ADAMTS12: variants seen among roughly 807,000 people sequenced by gnomAD.
ADAMTS12 encodes the protein ADAM metallopeptidase with thrombospondin type 1 motif 12, also known as A disintegrin and metalloproteinase with thrombospondin motifs 12.
A neutral mutation model predicts 167.8 loss-of-function variants in ADAMTS12; 118 were observed. The observed-to-expected ratio is 0.70, with a 90% CI of 0.61 to 0.82. The LOEUF is 0.82. Among genes scored for constraint, ADAMTS12 ranks in the 40% least tolerant of loss-of-function variants. ADAMTS12 has a pLI of 0.00. For missense variants in ADAMTS12, 1,916 were observed against 1,998.8 expected, an observed-to-expected ratio of 0.96 and a Z score of 0.79; for synonymous variants, 704 against 716.9, an observed-to-expected ratio of 0.98 and a Z score of 0.29.
intron 15 of ADAMTS12, among the ~76,000 whole-genome samples, chr5:33,615,114 A>G (rs1421427867): frequency 6.6e-6 from 1 of 152,136 alleles, no homozygotes; most frequent in Non-Finnish European, 1.5e-5. Context: ...GAGGCATTGG[A>G]TTGGTTGCTC....
chr5:33,585,520 A>G (rs1747302183), intron 18 of ADAMTS12, among the ~76,000 whole-genome samples: 1 of 152,158 alleles, frequency 6.6e-6, no homozygotes, highest in Non-Finnish European at 1.5e-5. Flanking sequence ...TACACATTTG[A>G]ACCCAGGAAG....
intron 20 of ADAMTS12, 104 bp downstream of exon 20, chr5:33,560,923 G>GAAA: frequency 2.3e-5 from 27 of 1,195,514 alleles, no homozygotes; most frequent in South Asian, 4.8e-5. Context: ...TTAAGAAAAA[G>GAAA]AAAAAAAAAA....
chr5:33,607,754 C>G (rs1177048805), intron 16 of ADAMTS12, among the ~76,000 whole-genome samples: 1 of 151,998 alleles, frequency 6.6e-6, no homozygotes, highest in Non-Finnish European at 1.5e-5. Context: ...TGTATTCAGA[C>G]CCAGGAAAAC....
chr5:33,557,841 C>T (rs1745553098), intron 20 of ADAMTS12, among the ~76,000 whole-genome samples: 3 of 152,136 alleles, frequency 2.0e-5, no homozygotes, highest in Admixed American at 6.5e-5. Context: ...GCTCACATTA[C>T]TGCCTGAGCT....
intron 2 of ADAMTS12, among the ~76,000 whole-genome samples, chr5:33,783,853 T>C (rs1423763957): frequency 5.9e-5 from 9 of 151,914 alleles, no homozygotes; most frequent in Admixed American, 5.9e-4. Context: ...TTCCAACTTT[T>C]TCTGGAGGCA....
chr5:33,686,975 T>C (rs1458947644), intron 3 of ADAMTS12, among the ~76,000 whole-genome samples: 1 of 150,428 alleles, frequency 6.6e-6, no homozygotes, highest in African/African-American at 2.4e-5. Flanking sequence ...AGAGAGATCT[T>C]GGACTTGATC....
intron 19 of ADAMTS12, among the ~76,000 whole-genome samples, chr5:33,571,532 T>C (rs1248034391): frequency 6.6e-6 from 1 of 151,932 alleles, no homozygotes; most frequent in Non-Finnish European, 1.5e-5. Flanking sequence ...GAAATAAAGA[T>C]CTTCTTTGAA....
intron 2 of ADAMTS12, among the ~76,000 whole-genome samples, chr5:33,788,563 C>T (rs911358128): frequency 3.3e-5 from 5 of 152,004 alleles, no homozygotes; most frequent in African/African-American, 4.8e-5. Flanking sequence ...ATCTCATTTT[C>T]CCAGGAATTC....
At chr5:33,884,952 A>G (rs180764914) in intron 1 of ADAMTS12, among the ~76,000 whole-genome samples, 1 of 152,328 alleles carries the variant, frequency 6.6e-6, no homozygotes, top group East Asian at 1.9e-4. Flanking sequence ...AAGCAATCAC[A>G]TTTTAAAACA....
intron 23 of ADAMTS12, among the ~76,000 whole-genome samples, chr5:33,528,085 GAAAA>G (rs1174112774): frequency 1.4e-4 from 17 of 122,170 alleles, no homozygotes; most frequent in African/African-American, 5.0e-4. Context: ...TACTCAACCA[GAAAA>G]AAAAAAAAAA....
intron 5 of ADAMTS12, among the ~76,000 whole-genome samples, chr5:33,677,920 C>T (rs191898647): frequency 1.3e-5 from 2 of 152,200 alleles, no homozygotes; most frequent in South Asian, 2.1e-4. Flanking sequence ...GATGAAACCC[C>T]ATAGTGGTCT....
intron 2 of ADAMTS12, among the ~76,000 whole-genome samples, chr5:33,755,768 C>T (rs573570002): frequency 1.3e-5 from 2 of 152,274 alleles, no homozygotes; most frequent in East Asian, 1.9e-4. Flanking sequence ...GAAACCATCA[C>T]CCTGCCTTGA....
chr5:33,610,797 T>A (rs1449438265), intron 16 of ADAMTS12, among the ~76,000 whole-genome samples: 2 of 152,212 alleles, frequency 1.3e-5, no homozygotes, highest in East Asian at 3.8e-4. Flanking sequence ...CTGGGCACAG[T>A]GGCTCATGCC....
chr5:33,769,497 A>T (rs1745665938), intron 2 of ADAMTS12, among the ~76,000 whole-genome samples: 2 of 152,196 alleles, frequency 1.3e-5, no homozygotes, highest in Admixed American at 1.3e-4. Flanking sequence ...AATCTAGACT[A>T]AAGCCTCTGC....
At chr5:33,596,130 C>T (rs987893544) in intron 16 of ADAMTS12, 70 bp from the exon 17 acceptor site, 55 of 1,568,382 alleles carry the variant, frequency 3.5e-5, no homozygotes, top group Non-Finnish European at 4.5e-5. Flanking sequence ...AGGTGAGGTA[C>T]CTGACCACGT....
At chr5:33,566,146 C>T (rs777936246) in intron 19 of ADAMTS12, among the ~76,000 whole-genome samples, 1 of 152,084 alleles carries the variant, frequency 6.6e-6, no homozygotes, top group Non-Finnish European at 1.5e-5. Context: ...ATTGAATAGT[C>T]AATGACAGTC....
intron 22 of ADAMTS12, among the ~76,000 whole-genome samples, chr5:33,541,502 C>T (rs573873438): frequency 3.9e-5 from 6 of 152,236 alleles, no homozygotes; most frequent in Non-Finnish European, 5.9e-5. Context: ...AGATACTCCT[C>T]GAGAAGAGCA....
chr5:33,561,512 G>T (rs1184903796), intron 19 of ADAMTS12, among the ~76,000 whole-genome samples: 1 of 152,222 alleles, frequency 6.6e-6, no homozygotes, highest in Non-Finnish European at 1.5e-5. Context: ...GCCAGGGGCA[G>T]TGGCTCATGC....
chr5:33,598,089 A>G (rs1737998070), intron 16 of ADAMTS12, among the ~76,000 whole-genome samples: 1 of 152,228 alleles, frequency 6.6e-6, no homozygotes, highest in Non-Finnish European at 1.5e-5. Flanking sequence ...CTGGGAGATG[A>G]ATGGATAGGC....
Sources: gnomAD v4.1 joint callset for allele counts (sites outside exome capture counted in the v4.1 genomes callset) on GRCh38, gnomAD v4.1.1 for gene constraint, MANE v1.5 for transcripts, NCBI Gene and HGNC (gene_info 2026-07-23, HGNC 2026-07-21) for gene names.